The following MYO16 variants were observed in gnomAD, a reference collection of about 807,000 sequenced individuals.
The protein encoded by MYO16 is myosin XVI, also known as unconventional myosin-XVI.
MYO16 carries 94 observed loss-of-function variants against 205.3 expected under a neutral mutation model. That is an observed-to-expected ratio of 0.46 (90% CI 0.39 to 0.54). The LOEUF (loss-of-function observed/expected upper bound fraction) is 0.54, where lower values mean the gene tolerates loss of function less well. MYO16 is among the 20% of genes least tolerant of loss of function. The pLI is 0.00. For missense variants in MYO16, 2,315 were observed against 2,387.5 expected, an observed-to-expected ratio of 0.97 and a Z score of 0.63; for synonymous variants, 988 against 954.0, an observed-to-expected ratio of 1.04 and a Z score of -0.66.
At chr13:108,783,830 A>G (rs895185587) in intron 4 of MYO16, among the ~76,000 whole-genome samples, 1 of 152,166 alleles carries the variant, frequency 6.6e-6, no homozygotes, top group Non-Finnish European at 1.5e-5. Context: ...GCCTCCTGCC[A>G]TGATTCTGAG....
intron 2 of MYO16, among the ~76,000 whole-genome samples, chr13:108,669,038 A>G (rs1420723893): frequency 6.6e-6 from 1 of 152,062 alleles, no homozygotes; most frequent in East Asian, 1.9e-4. Flanking sequence ...ACGTAAATTG[A>G]AAACTCATGA....
intron 4 of MYO16, among the ~76,000 whole-genome samples, chr13:108,781,237 T>C (rs529638697): frequency 6.6e-6 from 1 of 152,332 alleles, no homozygotes; most frequent in South Asian, 2.1e-4. Flanking sequence ...AAAACAGTAA[T>C]GGCATCCCTG....
intron 7 of MYO16, 140 bp from the exon 8 acceptor site, chr13:108,820,197 G>C (rs1023994094): frequency 5.3e-6 from 3 of 567,132 alleles, no homozygotes; most frequent in Admixed American, 3.1e-5. Context: ...CACTGGGAAA[G>C]GGGACAGGAA....
intron 23 of MYO16, among the ~76,000 whole-genome samples, chr13:109,033,344 G>A (rs1886604724): frequency 6.6e-6 from 1 of 152,102 alleles, no homozygotes; most frequent in Admixed American, 6.6e-5. Context: ...CTCCTACAGT[G>A]GACGATTCTC....
At chr13:108,863,278 GA>G (rs34865128) in intron 11 of MYO16, among the ~76,000 whole-genome samples, 5 of 151,938 alleles carry the variant, frequency 3.3e-5, no homozygotes, top group Non-Finnish European at 5.9e-5. Context: ...GCCAATCCCA[GA>G]AAAAAGCTTT....
chr13:108,619,678 G>A (rs1566508679), intron 1 of MYO16, among the ~76,000 whole-genome samples: 1 of 152,090 alleles, frequency 6.6e-6, no homozygotes, highest in Non-Finnish European at 1.5e-5. Flanking sequence ...CTGATCGGGA[G>A]GCAGTTTGCC....
intron 32 of MYO16, among the ~76,000 whole-genome samples, chr13:109,152,145 T>G (rs1594132153): frequency 2.0e-5 from 3 of 152,246 alleles, no homozygotes; most frequent in African/African-American, 7.2e-5. Flanking sequence ...ACTCTGTCTC[T>G]TGGTATTTAA....
chr13:108,779,224 C>T lies in MYO16; in HGVS notation c.508-6411C>T, dbSNP rs1886221659. The stretch of plus-strand genomic sequence containing the variant: ...GGCTAACGACACCCCTCACCAAATC[C>T]TATCATTGAGGGCCTGGGACCACCC... On this transcript the variant is annotated intron_variant, in intron 4 of 34. Coordinates refer to ENST00000457511, the MANE Select transcript of MYO16 (RefSeq NM_001198950.3). 2.0e-5 allele frequency among the ~76,000 whole-genome samples: 3 copies of T among 152,190 alleles called. No homozygotes were observed. In the South Asian group the frequency reaches 6.2e-4, roughly 31 times the overall value.
chr13:108,617,319 G>A (rs1306974160), intron 1 of MYO16, among the ~76,000 whole-genome samples: 1 of 152,140 alleles, frequency 6.6e-6, no homozygotes, highest in Admixed American at 6.6e-5. Flanking sequence ...TGGTCCAGGG[G>A]CCACGGTTAA....
At chr13:108,824,550 A>G (rs1214166640) in intron 9 of MYO16, among the ~76,000 whole-genome samples, 1 of 152,114 alleles carries the variant, frequency 6.6e-6, no homozygotes, top group African/African-American at 2.4e-5. Context: ...CCAACTTTCA[A>G]AAACAAATAG....
At chr13:108,903,529 T>C (rs1880815566) in intron 15 of MYO16, among the ~76,000 whole-genome samples, 1 of 152,158 alleles carries the variant, frequency 6.6e-6, no homozygotes, top group South Asian at 2.1e-4. Flanking sequence ...TATGTATTTT[T>C]TGTAGGGCAA....
chr13:109,018,216 G>C (rs547544117), intron 22 of MYO16, among the ~76,000 whole-genome samples: 132 of 152,298 alleles, frequency 8.7e-4, no homozygotes, highest in African/African-American at 3.1e-3. Context: ...CCTTCTAACT[G>C]TCAGGTCTCT....
At chr13:109,154,655 C>G (rs1877887075) in intron 32 of MYO16, among the ~76,000 whole-genome samples, 1 of 152,054 alleles carries the variant, frequency 6.6e-6, no homozygotes, top group Non-Finnish European at 1.5e-5. Context: ...GGGACGTTAT[C>G]TTCTCACCTT....
At chr13:108,499,543 C>A in the MYO16 span, among the ~76,000 whole-genome samples, 8 of 152,200 alleles carry the variant, frequency 5.3e-5, no homozygotes, top group Admixed American at 5.2e-4. Context: ...AGAGCCACTT[C>A]TCTTTCCCAC....
chr13:109,112,322 G>C (rs1462901422), intron 28 of MYO16, among the ~76,000 whole-genome samples: 1 of 152,160 alleles, frequency 6.6e-6, no homozygotes, highest in African/African-American at 2.4e-5. Flanking sequence ...TTAAATTCTA[G>C]ATTTTAGTCG....
At chr13:108,952,116 A>G (rs1163931663) in intron 16 of MYO16, among the ~76,000 whole-genome samples, 1 of 1,984 alleles carries the variant, frequency 5.0e-4, no homozygotes, top group Non-Finnish European at 1.2e-3. Flanking sequence ...CATCTCAATA[A>G]ATAAATAAAT....
At chr13:108,978,077 TATA>T (rs1884328955) in intron 20 of MYO16, among the ~76,000 whole-genome samples, 1 of 152,062 alleles carries the variant, frequency 6.6e-6, no homozygotes, top group Admixed American at 6.6e-5. Flanking sequence ...TTTGTGTGGC[TATA>T]ATGAGTTCTA....
chr13:108,703,644 A>G (rs1926512), intron 2 of MYO16, among the ~76,000 whole-genome samples: 117,330 of 152,036 alleles, frequency 0.77, 45,467 homozygotes, highest in East Asian at 0.98. Context: ...GACAGACCAC[A>G]TGCAAAGCCA....
intron 32 of MYO16, among the ~76,000 whole-genome samples, chr13:109,144,365 C>T (rs143185314): frequency 3.3e-5 from 5 of 152,160 alleles, no homozygotes; most frequent in African/African-American, 7.2e-5. Flanking sequence ...TTTACAAGTT[C>T]GGATATCATG....
Sources: allele counts gnomAD v4.1 joint callset (sites outside exome capture counted in the v4.1 genomes callset), GRCh38; gene constraint gnomAD v4.1.1; transcripts MANE v1.5; gene names NCBI Gene and HGNC (gene_info 2026-07-23, HGNC 2026-07-21).